SH3GL2: variants seen among roughly 807,000 people sequenced by gnomAD.
SH3GL2 encodes endophilin-A1.
A neutral mutation model predicts 46.0 loss-of-function variants in SH3GL2; 24 were observed. That is an observed-to-expected ratio of 0.52 (90% CI 0.38 to 0.73). The LOEUF (loss-of-function observed/expected upper bound fraction) is 0.73. SH3GL2 is among the 30% of genes least tolerant of loss of function. SH3GL2 has a pLI of 0.00. For missense variants in SH3GL2, 413 were observed against 424.2 expected (o/e 0.97, Z 0.23); for synonymous variants, 196 against 147.1 (o/e 1.33, Z -2.40).
intron 1 of SH3GL2, among the ~76,000 whole-genome samples, chr9:17,680,550 A>G (rs543411656): frequency 1.3e-5 from 2 of 151,950 alleles, no homozygotes; most frequent in South Asian, 2.1e-4. Context: ...CTGGTGGTCT[A>G]TCAATTTTGT....
intron 2 of SH3GL2, chr9:17,755,798 G>A: frequency 2.0e-6 from 2 of 984,688 alleles, no homozygotes; most frequent in Non-Finnish European, 2.4e-6. Flanking sequence ...TTACACCTAA[G>A]TTCAGGAAAT....
At chr9:17,725,107 C>T (rs1563828132) in intron 1 of SH3GL2, among the ~76,000 whole-genome samples, 2 of 152,118 alleles carry the variant, frequency 1.3e-5, no homozygotes, top group Admixed American at 6.6e-5. Context: ...CTAGGAGTCA[C>T]CCCTGGGATA....
intron 1 of SH3GL2, among the ~76,000 whole-genome samples, chr9:17,597,767 T>C (rs1818601362): frequency 6.6e-6 from 1 of 152,172 alleles, no homozygotes; most frequent in Non-Finnish European, 1.5e-5. Flanking sequence ...CTAGAAATTA[T>C]TTGGATTTAA....
intron 1 of SH3GL2, among the ~76,000 whole-genome samples, chr9:17,742,575 A>T (rs970371932): frequency 6.6e-6 from 1 of 152,202 alleles, no homozygotes; most frequent in Non-Finnish European, 1.5e-5. Flanking sequence ...GCCTTGATTT[A>T]TGCTACCTCT....
At chr9:17,606,387 G>C (rs544633155) in intron 1 of SH3GL2, among the ~76,000 whole-genome samples, 1 of 152,050 alleles carries the variant, frequency 6.6e-6, no homozygotes, top group Admixed American at 6.6e-5. Context: ...CACCATGCCC[G>C]CTCAGACCCC....
chr9:17,618,561 G>A (rs1404643583), intron 1 of SH3GL2, among the ~76,000 whole-genome samples: 1 of 152,132 alleles, frequency 6.6e-6, no homozygotes, highest in African/African-American at 2.4e-5. Flanking sequence ...TGCCTGTGTT[G>A]ATGTAAAGGT....
At chr9:17,718,230 A>G (rs1039847098) in intron 1 of SH3GL2, among the ~76,000 whole-genome samples, 8 of 152,184 alleles carry the variant, frequency 5.3e-5, no homozygotes, top group Admixed American at 2.0e-4. Context: ...ATGGTTTTGT[A>G]GCACTAGTTC....
chr9:17,593,217 T>G (rs1019075000), intron 1 of SH3GL2, among the ~76,000 whole-genome samples: 1 of 152,202 alleles, frequency 6.6e-6, no homozygotes, highest in Non-Finnish European at 1.5e-5. Flanking sequence ...GGCAAATTAG[T>G]TGAATCACAG....
At chr9:17,636,620 T>G (rs909925751) in intron 1 of SH3GL2, among the ~76,000 whole-genome samples, 6 of 152,190 alleles carry the variant, frequency 3.9e-5, no homozygotes, top group African/African-American at 1.4e-4. Flanking sequence ...GAAGATTATT[T>G]TCCCATTGTG....
At chr9:17,774,597 C>G (rs1453454947) in intron 3 of SH3GL2, among the ~76,000 whole-genome samples, 1 of 151,670 alleles carries the variant, frequency 6.6e-6, no homozygotes, top group Non-Finnish European at 1.5e-5. Context: ...TTAGATGGAC[C>G]CATTTTTGTA....
intron 1 of SH3GL2, among the ~76,000 whole-genome samples, chr9:17,684,888 C>T (rs771039963): frequency 3.3e-5 from 5 of 152,156 alleles, no homozygotes; most frequent in Non-Finnish European, 7.4e-5. Context: ...CTTCATTTCA[C>T]TGCCAACATT....
At position 17,682,691 on chromosome 9, in the gene SH3GL2, A is replaced by C. The variant is rs1238854035; in HGVS notation, c.46-64375A>C. On this transcript the variant is annotated intron_variant, in intron 1 of 8. Transcript: ENST00000380607. Reference sequence around the variant, plus strand: ...GGAAGTTAAAGCAAAATTAAAAAAAAAAAAAAGGAAAACATGGGCTTAAAT... The same window carrying C: ...GGAAGTTAAAGCAAAATTAAAAAAACAAAAAAGGAAAACATGGGCTTAAAT... Among the ~76,000 whole-genome samples, 4 of 151,842 alleles carry C rather than the reference A, an allele frequency of 2.6e-5. No individual in the cohort carries two copies. In the South Asian group the frequency reaches 8.3e-4, roughly 32 times the overall value.
chr9:17,616,040 T>C (rs2134590619), intron 1 of SH3GL2, among the ~76,000 whole-genome samples: 1 of 152,332 alleles, frequency 6.6e-6, no homozygotes, highest in East Asian at 1.9e-4. Context: ...TTCAGCTTTC[T>C]TCAGGTTACC....
intron 7 of SH3GL2, among the ~76,000 whole-genome samples, chr9:17,791,992 G>A (rs1824143506): frequency 6.6e-6 from 1 of 152,188 alleles, no homozygotes; most frequent in African/African-American, 2.4e-5. Context: ...GTGGCCCTAT[G>A]TTATAATATG....
chr9:17,698,362 G>T (rs1821260752), intron 1 of SH3GL2, among the ~76,000 whole-genome samples: 1 of 152,096 alleles, frequency 6.6e-6, no homozygotes, highest in Non-Finnish European at 1.5e-5. Context: ...AGCTTTCCAG[G>T]CTGCTCTAAC....
At chr9:17,677,668 T>G (rs569866455) in intron 1 of SH3GL2, among the ~76,000 whole-genome samples, 1 of 152,090 alleles carries the variant, frequency 6.6e-6, no homozygotes, top group Non-Finnish European at 1.5e-5. Flanking sequence ...TTAGGGTACA[T>G]GTGCACAACG....
chr9:17,746,178 C>A (rs1024712903), intron 1 of SH3GL2, among the ~76,000 whole-genome samples: 4 of 152,160 alleles, frequency 2.6e-5, no homozygotes, highest in Non-Finnish European at 5.9e-5. Flanking sequence ...TGTGTTCACA[C>A]CATTCTCCTG....
intron 1 of SH3GL2, among the ~76,000 whole-genome samples, chr9:17,661,806 C>T (rs193082914): frequency 1.1e-3 from 161 of 151,868 alleles, no homozygotes; most frequent in African/African-American, 2.7e-3. Flanking sequence ...TCAGATAGTC[C>T]TGAATATAAA....
intron 1 of SH3GL2, among the ~76,000 whole-genome samples, chr9:17,657,348 GGAGA>G (rs200094095): frequency 2.6e-5 from 4 of 152,072 alleles, no homozygotes; most frequent in Admixed American, 6.6e-5. Context: ...GAGCATGATA[GGAGA>G]GAGAGAGATT....
Sources: gnomAD v4.1 joint callset for allele counts (sites outside exome capture counted in the v4.1 genomes callset) on GRCh38, gnomAD v4.1.1 for gene constraint, MANE v1.5 for transcripts, NCBI Gene and HGNC (gene_info 2026-07-23, HGNC 2026-07-21) for gene names.